NFIB: variants seen among roughly 807,000 people sequenced by gnomAD.
NFIB encodes nuclear factor 1 B-type.
In NFIB, 11 loss-of-function variants were observed where a neutral mutation model predicts 61.5. The observed-to-expected ratio is 0.18, with a 90% CI of 0.11 to 0.30. The LOEUF is 0.30. Ranked by LOEUF, NFIB falls within the 10% of genes least tolerant of loss-of-function variation. The pLI is 1.00. For missense variants in NFIB, 471 were observed against 608.9 expected (o/e 0.77, Z 2.38); for synonymous variants, 260 against 216.5 (o/e 1.20, Z -1.76).
chr9:14,144,493 T>C (rs1223153885), intron 6 of NFIB, among the ~76,000 whole-genome samples: 2 of 152,306 alleles, frequency 1.3e-5, no homozygotes, highest in East Asian at 3.9e-4. Flanking sequence ...AAAGTCTCTA[T>C]TATATCTTGC....
intron 2 of NFIB, among the ~76,000 whole-genome samples, chr9:14,276,750 T>C (rs890823715): frequency 1.3e-5 from 2 of 152,160 alleles, no homozygotes; most frequent in Non-Finnish European, 2.9e-5. Flanking sequence ...GAGGGAAAGC[T>C]GATCACACGA....
the NFIB span, among the ~76,000 whole-genome samples, chr9:14,490,296 C>T: frequency 6.6e-6 from 1 of 151,614 alleles, no homozygotes; most frequent in East Asian, 1.9e-4. Context: ...GTTGGACATA[C>T]ACATATAAAA....
At chr9:14,159,924 A>G (rs1223684519) in intron 3 of NFIB, among the ~76,000 whole-genome samples, 1 of 152,226 alleles carries the variant, frequency 6.6e-6, no homozygotes, top group Non-Finnish European at 1.5e-5. Flanking sequence ...AGCTAATACA[A>G]CAGCTAAAGA....
chr9:14,504,395 T>C, the NFIB span, among the ~76,000 whole-genome samples: 4 of 152,174 alleles, frequency 2.6e-5, no homozygotes, highest in African/African-American at 4.8e-5. Context: ...GGGAATTGCA[T>C]TGAATTTGTA....
chr9:14,166,073 T>C (rs968572739), intron 3 of NFIB, among the ~76,000 whole-genome samples: 2 of 152,222 alleles, frequency 1.3e-5, no homozygotes, highest in Admixed American at 6.5e-5. Flanking sequence ...CACATTCTTG[T>C]TTACATATAT....
At position 14,283,737 on chromosome 9, in the gene NFIB, AG is replaced by A. The variant is rs552011860; in HGVS notation, c.562+23251del. Among the ~76,000 whole-genome samples the A allele has an allele frequency of 2.9e-4, 44 of 152,380 alleles. No homozygotes were observed. In the South Asian group the frequency reaches 2.9e-3, roughly 10 times the overall value. ...GTTTAAATGTTGTGCGTTGGCATCCAGGAACACTCAAGAAAGCTCTGTTGCT... is the reference window on the plus strand; with the variant it reads ...GTTTAAATGTTGTGCGTTGGCATCCAGAACACTCAAGAAAGCTCTGTTGCT... On this transcript the variant is annotated intron_variant, in intron 2 of 10. Transcript: ENST00000380953.
intron 1 of NFIB, among the ~76,000 whole-genome samples, chr9:14,342,848 G>A (rs2060968519): frequency 6.6e-6 from 1 of 152,094 alleles, no homozygotes; most frequent in Non-Finnish European, 1.5e-5. Flanking sequence ...TTATCACCAA[G>A]CAACCAAACA....
the NFIB span, among the ~76,000 whole-genome samples, chr9:14,496,523 G>A: frequency 1.3e-5 from 2 of 152,204 alleles, no homozygotes; most frequent in Non-Finnish European, 2.9e-5. Flanking sequence ...TTCAGCAGAA[G>A]TGAACCTACA....
intron 2 of NFIB, among the ~76,000 whole-genome samples, chr9:14,251,854 A>G (rs2055666598): frequency 6.6e-6 from 1 of 152,368 alleles, no homozygotes; most frequent in East Asian, 1.9e-4. Context: ...AACAAGCTGG[A>G]GAGGAAAACA....
At position 14,287,207 on chromosome 9, in the gene NFIB, G is replaced by A. The variant is rs567200185; in HGVS notation, c.562+19782C>T. Among the ~76,000 whole-genome samples the A allele has an allele frequency of 3.4e-4, 52 of 151,064 alleles. No individual in the cohort carries two copies. In the South Asian group the frequency reaches 9.1e-3, roughly 27 times the overall value. ...AGCACTCTGGGAGGCCGAGGCGGGC[G>A]GATCACGAGGTCAGGAGATCGAGAC... On this transcript the variant is annotated intron_variant, in intron 2 of 10. Coordinates refer to ENST00000380953, the MANE Select transcript of NFIB (RefSeq NM_001190737.2).
intron 10 of NFIB, chr9:14,096,580 G>T (rs905527191): frequency 6.6e-6 from 1 of 152,060 alleles, no homozygotes; most frequent in Non-Finnish European, 1.5e-5. Flanking sequence ...GTGGAAAATG[G>T]ACATTATTGA....
chr9:14,202,505 A>T (rs1020767370), intron 2 of NFIB, among the ~76,000 whole-genome samples: 6 of 152,204 alleles, frequency 3.9e-5, no homozygotes, highest in African/African-American at 9.6e-5. Context: ...ACACTACATG[A>T]AAGTCTCAAA....
At chr9:14,241,396 G>C (rs1434222857) in intron 2 of NFIB, among the ~76,000 whole-genome samples, 1 of 152,098 alleles carries the variant, frequency 6.6e-6, no homozygotes, top group Non-Finnish European at 1.5e-5. Context: ...GCAGTGAAAA[G>C]ATGACTGATA....
At chr9:14,113,310 C>T (rs1356436514) in intron 9 of NFIB, among the ~76,000 whole-genome samples, 1 of 152,144 alleles carries the variant, frequency 6.6e-6, no homozygotes, top group Non-Finnish European at 1.5e-5. Flanking sequence ...TAAAGCAGAT[C>T]TCATACTTCA....
chr9:14,342,156 G>C (rs1238195954), intron 1 of NFIB, among the ~76,000 whole-genome samples: 3 of 152,174 alleles, frequency 2.0e-5, no homozygotes, highest in African/African-American at 7.2e-5. Context: ...GCTGGATTAT[G>C]GGTAAGGGTC....
chr9:14,233,120 T>C lies in NFIB; in HGVS notation c.563-53340A>G, dbSNP rs1448954004. Reference sequence around the variant, plus strand: ...TTAACTCGTGGTACCTCCTAAACAATTGATGTCATTACTGCTCTTCAAAAG... The same window carrying C: ...TTAACTCGTGGTACCTCCTAAACAACTGATGTCATTACTGCTCTTCAAAAG... On this transcript the variant is annotated intron_variant, in intron 2 of 10. Coordinates refer to ENST00000380953, the MANE Select transcript of NFIB (RefSeq NM_001190737.2). Among the ~76,000 whole-genome samples, 7 of 152,334 alleles carry C rather than the reference T, an allele frequency of 4.6e-5. No individual in the cohort carries two copies. The East Asian group carries it at 1.2e-3, about 25-fold the overall frequency.
intron 2 of NFIB, chr9:14,204,315 A>C (rs2049383119): frequency 1.4e-6 from 1 of 719,134 alleles, no homozygotes; most frequent in African/African-American, 1.8e-5. Context: ...AAGAAGCAGG[A>C]GGCCAAGAAA....
chr9:14,191,737 C>T (rs953896240), intron 2 of NFIB, among the ~76,000 whole-genome samples: 12 of 152,186 alleles, frequency 7.9e-5, no homozygotes, highest in African/African-American at 2.9e-4. Context: ...CCAGATGTGA[C>T]AAAATTTTAA....
At chr9:14,350,989 A>C (rs994120114) in intron 1 of NFIB, among the ~76,000 whole-genome samples, 2 of 152,218 alleles carry the variant, frequency 1.3e-5, no homozygotes, top group Non-Finnish European at 2.9e-5. Flanking sequence ...CCCAAAGGCC[A>C]AGCTTTGGCA....
Sources: gnomAD v4.1 joint callset for allele counts (sites outside exome capture counted in the v4.1 genomes callset) on GRCh38, gnomAD v4.1.1 for gene constraint, MANE v1.5 for transcripts, NCBI Gene and HGNC (gene_info 2026-07-23, HGNC 2026-07-21) for gene names.